Variants in ARHGEF26 observed in about 807,000 individuals in gnomAD.
The protein encoded by ARHGEF26 is Rho guanine nucleotide exchange factor 26.
Under a neutral mutation model 89.4 loss-of-function variants are expected in ARHGEF26, and 59 were observed. The ratio of observed to expected loss-of-function variants is 0.66; its 90% confidence interval spans 0.54 to 0.82. The LOEUF is 0.82. Among genes scored for constraint, ARHGEF26 ranks in the 40% least tolerant of loss-of-function variants. The probability of loss-of-function intolerance (pLI) is 0.00; values close to 1 mark genes in which losing one functional copy is unlikely to be tolerated. For synonymous variants in ARHGEF26, 500 were observed against 428.4 expected, an observed-to-expected ratio of 1.17 and a Z score of -2.06; for missense variants, 1,234 against 1,085.6, an observed-to-expected ratio of 1.14 and a Z score of -1.92.
chr3:154,157,409 A>G (rs1408820678), intron 6 of ARHGEF26, among the ~76,000 whole-genome samples: 1 of 152,146 alleles, frequency 6.6e-6, no homozygotes, highest in Non-Finnish European at 1.5e-5. Flanking sequence ...AAAGGAGAGC[A>G]TGAGAGCAGA....
intron 11 of ARHGEF26, among the ~76,000 whole-genome samples, chr3:154,239,285 A>G (rs1021084070): frequency 4.8e-5 from 5 of 104,232 alleles, no homozygotes; most frequent in African/African-American, 1.9e-4. Flanking sequence ...AGAGAGAGAG[A>G]GAGAGAGAGA....
chr3:154,141,373 T>C (rs145671863), intron 4 of ARHGEF26, among the ~76,000 whole-genome samples: 1 of 152,326 alleles, frequency 6.6e-6, no homozygotes, highest in African/African-American at 2.4e-5. Context: ...CTCAGCTACT[T>C]TGCCCCCGCT....
chr3:154,216,553 C>T (rs1305121915), intron 9 of ARHGEF26, among the ~76,000 whole-genome samples: 3 of 115,886 alleles, frequency 2.6e-5, no homozygotes, highest in Non-Finnish European at 3.6e-5. Context: ...TTTTATTATA[C>T]TTTAAGTTTT....
At chr3:154,190,716 A>G (rs1412858301) in intron 7 of ARHGEF26, among the ~76,000 whole-genome samples, 4 of 152,178 alleles carry the variant, frequency 2.6e-5, no homozygotes, top group Admixed American at 2.6e-4. Context: ...ATGTTATAGC[A>G]GCATTAATAC....
chr3:154,156,406 T>C (rs1408919520), intron 6 of ARHGEF26, among the ~76,000 whole-genome samples: 1 of 152,144 alleles, frequency 6.6e-6, no homozygotes, highest in Non-Finnish European at 1.5e-5. Context: ...AGAAAACAGA[T>C]ACTTTTCATC....
At chr3:154,215,479 A>G (rs951531978) in intron 9 of ARHGEF26, among the ~76,000 whole-genome samples, 4 of 151,686 alleles carry the variant, frequency 2.6e-5, no homozygotes, top group African/African-American at 7.3e-5. Context: ...GAAACATAGT[A>G]GGCACTAAAT....
intron 9 of ARHGEF26, among the ~76,000 whole-genome samples, chr3:154,210,400 G>A (rs753891699): frequency 6.6e-6 from 1 of 152,054 alleles, no homozygotes; most frequent in Non-Finnish European, 1.5e-5. Context: ...CTTCAAGGCA[G>A]CAGGTTCCCT....
intron 12 of ARHGEF26, 93 bp downstream of exon 12, chr3:154,240,672 C>T (rs1035108517): frequency 8.5e-6 from 10 of 1,182,490 alleles, no homozygotes; most frequent in African/African-American, 4.6e-5. Context: ...ACAGCAGCTA[C>T]TATTCATGTT....
At chr3:154,228,112 C>CAATG (rs1353583124) in intron 11 of ARHGEF26, among the ~76,000 whole-genome samples, 65 of 151,272 alleles carry the variant, frequency 4.3e-4, no homozygotes, top group Non-Finnish European at 9.0e-4. Context: ...TAATAAAGAG[C>CAATG]AATGCCATTG....
In ARHGEF26 at chr3:154,256,007, G is replaced by A; in HGVS notation, c.*534G>A. 2 of 985,358 alleles carry A rather than the reference G, an allele frequency of 2.0e-6. No homozygotes were observed. Among genetic ancestry groups the A allele is most frequent in the African/African-American group, 3.5e-5 (2 of 57,138 alleles). 61.0% of individuals were successfully genotyped at this position (985,358 alleles called of 1,614,324 possible). A position where few individuals can be genotyped will look rare whatever the true frequency, so the allele number is the denominator to read the frequency against. ...GGTAGAGTTCAGAAGGTGAGCTGTTGTTTTTCTAAACCTCTTCCCAGGAAG... is the reference window on the plus strand; with the variant it reads ...GGTAGAGTTCAGAAGGTGAGCTGTTATTTTTCTAAACCTCTTCCCAGGAAG... On this transcript the variant is annotated 3_prime_UTR_variant, in exon 15 of 15. Coordinates refer to ENST00000465093, the MANE Select transcript of ARHGEF26 (RefSeq NM_015595.4).
intron 6 of ARHGEF26, among the ~76,000 whole-genome samples, chr3:154,170,612 T>C (rs1473341377): frequency 6.6e-6 from 1 of 152,212 alleles, no homozygotes; most frequent in African/African-American, 2.4e-5. Flanking sequence ...CTAACATCTT[T>C]GTGCTTCAGC....
chr3:154,156,732 C>G (rs534981785), intron 6 of ARHGEF26, among the ~76,000 whole-genome samples: 3 of 152,258 alleles, frequency 2.0e-5, no homozygotes, highest in South Asian at 2.1e-4. Context: ...AAGAGTGACA[C>G]CCAAGTGTTG....
At chr3:154,235,965 G>C (rs1318787303) in intron 11 of ARHGEF26, among the ~76,000 whole-genome samples, 3 of 152,126 alleles carry the variant, frequency 2.0e-5, no homozygotes, top group Admixed American at 1.3e-4. Flanking sequence ...TGATTTCAAA[G>C]TAATAAATAT....
chr3:154,215,677 C>T (rs548853211), intron 9 of ARHGEF26, among the ~76,000 whole-genome samples: 8 of 152,158 alleles, frequency 5.3e-5, no homozygotes, highest in South Asian at 4.2e-4. Flanking sequence ...GCTGGTTTCC[C>T]GGTTTGCAGA....
chr3:154,121,865 C>T (rs1465483262), intron 1 of ARHGEF26, 77 bp from the exon 2 acceptor site: 4 of 1,318,604 alleles, frequency 3.0e-6, no homozygotes, highest in Admixed American at 2.8e-5. Context: ...GGGGGACCGC[C>T]GGTCTGGGAG....
intron 7 of ARHGEF26, among the ~76,000 whole-genome samples, chr3:154,189,105 G>A (rs1241729150): frequency 6.6e-6 from 1 of 152,032 alleles, no homozygotes; most frequent in Non-Finnish European, 1.5e-5. Context: ...AGGAACAGAG[G>A]TTCTCTGTAA....
At chr3:154,250,913 T>G (rs1378511085) in intron 12 of ARHGEF26, among the ~76,000 whole-genome samples, 1 of 152,234 alleles carries the variant, frequency 6.6e-6, no homozygotes, top group Non-Finnish European at 1.5e-5. Flanking sequence ...CATGAAGTTG[T>G]GCTTTGCTTA....
At chr3:154,160,814 C>G (rs1032884516) in intron 6 of ARHGEF26, among the ~76,000 whole-genome samples, 13 of 151,948 alleles carry the variant, frequency 8.6e-5, no homozygotes, top group African/African-American at 2.9e-4. Context: ...AAGGTAATTC[C>G]TAGGTGCAGG....
At chr3:154,174,663 G>C (rs1712686407) in intron 6 of ARHGEF26, among the ~76,000 whole-genome samples, 1 of 152,056 alleles carries the variant, frequency 6.6e-6, no homozygotes, top group Non-Finnish European at 1.5e-5. Flanking sequence ...ACAGTTAATT[G>C]GGCAATCAGT....
Sources: allele counts gnomAD v4.1 joint callset (sites outside exome capture counted in the v4.1 genomes callset), GRCh38; gene constraint gnomAD v4.1.1; transcripts MANE v1.5; gene names NCBI Gene and HGNC (gene_info 2026-07-23, HGNC 2026-07-21).